Variants in ATP10D observed in about 807,000 individuals in gnomAD.
The protein encoded by ATP10D is ATPase phospholipid transporting 10D (putative), also known as phospholipid-transporting ATPase VD.
Under a neutral mutation model 144.8 loss-of-function variants are expected in ATP10D, and 89 were observed. The observed-to-expected ratio is 0.61, with a 90% CI of 0.52 to 0.73. The LOEUF is 0.73. ATP10D is among the 30% of genes least tolerant of loss of function. ATP10D has a pLI of 0.00. For synonymous variants in ATP10D, 571 were observed against 615.1 expected, an observed-to-expected ratio of 0.93 and a Z score of 1.06; for missense variants, 1,603 against 1,714.8, an observed-to-expected ratio of 0.93 and a Z score of 1.15.
chr4:47,553,429 T>C (rs1718825588), intron 10 of ATP10D, among the ~76,000 whole-genome samples: 1 of 152,236 alleles, frequency 6.6e-6, no homozygotes, highest in Non-Finnish European at 1.5e-5. Flanking sequence ...GCAATGCTTT[T>C]TGACAGCAGG....
At chr4:47,502,643 A>G (rs1241470833) in intron 1 of ATP10D, among the ~76,000 whole-genome samples, 1 of 148,322 alleles carries the variant, frequency 6.7e-6, no homozygotes, top group Non-Finnish European at 1.5e-5. Context: ...TGTATATAAT[A>G]TATGTATGTA....
rs564142602 is a variant in ATP10D, at chr4:47,550,491, G to C, written c.1635+3629G>C. On this transcript the variant is annotated intron_variant, in intron 10 of 22. Transcript: ENST00000273859. ...AACTTAGTAATGTCATGGGGTTGGG[G>C]GGGGCGGTCCTTGCTCCCAGAGCTC... 1.9e-4 allele frequency among the ~76,000 whole-genome samples: 29 copies of C among 152,220 alleles called. No individual in the cohort carries two copies. In the South Asian group the frequency reaches 4.2e-3, roughly 22 times the overall value.
At chr4:47,491,969 T>A (rs77326234) in intron 1 of ATP10D, among the ~76,000 whole-genome samples, 2,653 of 152,286 alleles carry the variant, frequency 0.017, 82 homozygotes, top group African/African-American at 0.062. Context: ...CCCAAAGCAC[T>A]CAGCACCGTG....
chr4:47,504,708 G>A (rs898878606), intron 1 of ATP10D, among the ~76,000 whole-genome samples: 30 of 152,044 alleles, frequency 2.0e-4, no homozygotes, highest in Non-Finnish European at 4.0e-4. Flanking sequence ...GACTACAGGC[G>A]CCCGCCACCA....
At chr4:47,491,187 A>C (rs1715058149) in intron 1 of ATP10D, 2 of 749,700 alleles carry the variant, frequency 2.7e-6, no homozygotes, top group Non-Finnish European at 4.9e-6. Flanking sequence ...TAATGTGCTC[A>C]ATATGCACAT....
intron 10 of ATP10D, among the ~76,000 whole-genome samples, chr4:47,550,495 G>A (rs549773438): frequency 2.6e-4 from 39 of 152,136 alleles, no homozygotes; most frequent in African/African-American, 8.0e-4. Flanking sequence ...GTTGGGGGGG[G>A]CGGTCCTTGC....
At chr4:47,521,679 A>C (rs1716951939) in intron 3 of ATP10D, among the ~76,000 whole-genome samples, 1 of 152,182 alleles carries the variant, frequency 6.6e-6, no homozygotes, top group African/African-American at 2.4e-5. Context: ...TATGGCATGG[A>C]GGACCGAACT....
rs116162954 is a variant in ATP10D at position 47,521,277 on chromosome 4, T to G, written c.486-1735T>G. ...CTTTTCAAACTGAAGTTATCTCACC[T>G]GTGATACAACCAGTTGCTTCTAAAA... is the stretch of plus-strand genomic sequence containing the variant. On this transcript the variant is annotated intron_variant, in intron 3 of 22. Transcript: ENST00000273859. 5.3e-3 allele frequency among the ~76,000 whole-genome samples: 808 copies of G among 152,308 alleles called. 8 individuals are homozygous for G. The highest frequency in any genetic ancestry group is 0.019 in the African/African-American group (786 of 41,560).
chr4:47,513,768 G>A (rs973859148), intron 2 of ATP10D, among the ~76,000 whole-genome samples: 1 of 152,106 alleles, frequency 6.6e-6, no homozygotes, highest in Non-Finnish European at 1.5e-5. Flanking sequence ...AAGAGTTGAG[G>A]GCCAAGTCTG....
intron 1 of ATP10D, among the ~76,000 whole-genome samples, chr4:47,510,928 A>T (rs1229564439): frequency 1.3e-5 from 2 of 152,240 alleles, no homozygotes; most frequent in Non-Finnish European, 2.9e-5. Context: ...TCATAATGGT[A>T]ACCTAATGTG....
chr4:47,553,109 C>T (rs755320611), intron 10 of ATP10D, among the ~76,000 whole-genome samples: 10 of 152,172 alleles, frequency 6.6e-5, no homozygotes, highest in Non-Finnish European at 1.2e-4. Context: ...AAATACCATG[C>T]AACAAATTTC....
chr4:47,545,879 G>A (rs548738578), intron 9 of ATP10D, among the ~76,000 whole-genome samples: 2 of 152,290 alleles, frequency 1.3e-5, no homozygotes, highest in African/African-American at 2.4e-5. Context: ...TCACTTCCCA[G>A]TGAGGTCATT....
chr4:47,536,667 C>T lies in ATP10D; in HGVS notation c.1144-19C>T, dbSNP rs766650910. 8 of 1,597,916 alleles carry T rather than the reference C, an allele frequency of 5.0e-6. No individual in the cohort carries two copies. The highest frequency in any genetic ancestry group is 5.1e-6 in the Non-Finnish European group (6 of 1,173,026). ...TTTAACCTACGTTAACATTTTAAAA[C>T]TTGTTTGGATCTTCTTAGGTCTTGA... On this transcript the variant is annotated intron_variant, in intron 8 of 22. Coordinates refer to ENST00000273859, the MANE Select transcript of ATP10D (RefSeq NM_020453.4).
intron 9 of ATP10D, among the ~76,000 whole-genome samples, chr4:47,538,379 A>G (rs1717955498): frequency 6.6e-6 from 1 of 152,194 alleles, no homozygotes; most frequent in African/African-American, 2.4e-5. Context: ...GCACTCATTT[A>G]AAACAAGTTC....
intron 10 of ATP10D, among the ~76,000 whole-genome samples, chr4:47,552,760 T>G (rs1358343571): frequency 1.3e-5 from 2 of 152,204 alleles, no homozygotes; most frequent in Admixed American, 6.5e-5. Flanking sequence ...GTCAAATAAT[T>G]GCTGAGATCA....
At chr4:47,519,322 G>C (rs1040049732) in intron 3 of ATP10D, among the ~76,000 whole-genome samples, 2 of 152,122 alleles carry the variant, frequency 1.3e-5, no homozygotes, top group African/African-American at 4.8e-5. Context: ...TAGCAGAGCT[G>C]TTTGCTACTG....
chr4:47,490,919 T>A (rs1715035434), intron 1 of ATP10D: 2 of 468,492 alleles, frequency 4.3e-6, no homozygotes, highest in African/African-American at 4.0e-5. Context: ...TCACACTTCT[T>A]GCAAATACAT....
At chr4:47,523,820 AT>A in intron 4 of ATP10D, among the ~76,000 whole-genome samples, 1 of 151,948 alleles carries the variant, frequency 6.6e-6, no homozygotes, top group Admixed American at 6.6e-5. Flanking sequence ...CATATGTATT[AT>A]TTGAATTTCA....
intron 9 of ATP10D, among the ~76,000 whole-genome samples, chr4:47,540,415 A>G (rs1420162719): frequency 2.0e-5 from 3 of 152,226 alleles, no homozygotes; most frequent in Non-Finnish European, 4.4e-5. Flanking sequence ...TTTAAATTGC[A>G]GAAACTCAGA....
Sources: allele counts gnomAD v4.1 joint callset (sites outside exome capture counted in the v4.1 genomes callset), GRCh38; gene constraint gnomAD v4.1.1; transcripts MANE v1.5; gene names NCBI Gene and HGNC (gene_info 2026-07-23, HGNC 2026-07-21).